Variants in PIK3C2B observed in about 807,000 individuals in gnomAD.
PIK3C2B encodes the protein phosphatidylinositol-4-phosphate 3-kinase catalytic subunit type 2 beta, also known as phosphatidylinositol 4-phosphate 3-kinase C2 domain-containing subunit beta.
PIK3C2B carries 83 observed loss-of-function variants against 184.3 expected under a neutral mutation model. That is an observed-to-expected ratio of 0.45 (90% CI 0.38 to 0.54). The LOEUF is 0.54. Among genes scored for constraint, PIK3C2B ranks in the 20% least tolerant of loss-of-function variants. PIK3C2B has a pLI of 0.00. For synonymous variants in PIK3C2B, 779 were observed against 837.6 expected (o/e 0.93, Z 1.21); for missense variants, 1,736 against 2,113.5 (o/e 0.82, Z 3.50).
chr1:204,460,510 T>TC, intron 6 of PIK3C2B, 40 bp downstream of exon 6: 1 of 1,572,766 alleles, frequency 6.4e-7, no homozygotes, highest in Non-Finnish European at 8.8e-7. Flanking sequence ...CCATTCCACC[T>TC]CCCCAGCCCT....
chr1:204,454,093 G>C (rs573841949), intron 12 of PIK3C2B, among the ~76,000 whole-genome samples: 120 of 151,812 alleles, frequency 7.9e-4, no homozygotes, highest in Non-Finnish European at 1.5e-3. Context: ...AAATTTATAT[G>C]TTTTTTATGG....
At chr1:204,453,502 G>A (rs945212295) in intron 12 of PIK3C2B, among the ~76,000 whole-genome samples, 2 of 152,118 alleles carry the variant, frequency 1.3e-5, no homozygotes, top group African/African-American at 4.8e-5. Flanking sequence ...CCATTTCTCA[G>A]TTTGAAAAAA....
At position 204,484,465 on chromosome 1, in the gene PIK3C2B, G is replaced by A. The variant is rs186904376; in HGVS notation, c.-85+9891C>T. The stretch of plus-strand genomic sequence containing the variant: ...TAAGTGTTTAAGCTGATGGCCGGGC[G>A]CGGTGGCTCACTCAATTCCAGCACT... On this transcript the variant is annotated intron_variant, in intron 1 of 32. Coordinates refer to ENST00000684373, the MANE Select transcript of PIK3C2B (RefSeq NM_001377334.1). Among the ~76,000 whole-genome samples the A allele has an allele frequency of 2.4e-3, 359 of 152,234 alleles. 1 individual carries two copies. The Middle Eastern group carries it at 0.027, about 12-fold the overall frequency.
chr1:204,450,882 G>A lies in PIK3C2B; in HGVS notation c.2067-865C>T, dbSNP rs372479483. Among the ~76,000 whole-genome samples the A allele has an allele frequency of 2.9e-3, 447 of 152,348 alleles. 3 individuals carry two copies. Among genetic ancestry groups the A allele is most frequent in the African/African-American group, 8.2e-3 (343 of 41,584 alleles). ...TCGGGGAAGCTGTCCCTGGGCCAAA[G>A]TCCATACTGTCACACCCTCCTGGCC... On this transcript the variant is annotated intron_variant, in intron 12 of 32. Coordinates refer to ENST00000684373, the MANE Select transcript of PIK3C2B (RefSeq NM_001377334.1).
chr1:204,465,164 C>T, intron 3 of PIK3C2B, 55 bp downstream of exon 3: 1 of 739,538 alleles, frequency 1.4e-6, no homozygotes, highest in Non-Finnish European at 2.4e-6. Flanking sequence ...ATGGATGGCC[C>T]CCCTCCCCAT....
At chr1:204,490,406 GT>G (rs1241015785) in intron 1 of PIK3C2B, 2 of 153,362 alleles carry the variant, frequency 1.3e-5, no homozygotes, top group Non-Finnish European at 2.9e-5. Flanking sequence ...ATGTCCCAGT[GT>G]TTTGGGGAAG....
At position 204,433,669 on chromosome 1, in the gene PIK3C2B, C is replaced by T. The variant is rs1331331815; in HGVS notation, c.3843+124G>A. The T allele has an allele frequency of 7.4e-6, 7 of 949,020 alleles. No homozygotes were observed. Among genetic ancestry groups the T allele is most frequent in the Non-Finnish European group, 1.2e-5 (7 of 604,982 alleles). The allele number at this position is 949,020 out of a possible 1,614,324, so 58.8% of individuals were successfully genotyped here. ...GGTCCCTGCCTTTATCTAGGGCAGG[C>T]AGGTATTCAGTTGGGGCTCAGAGAG... On this transcript the variant is annotated intron_variant, in intron 25 of 32. Transcript: ENST00000684373. The surrounding 1 kb of genome is among the most constrained non-coding windows in gnomAD (Gnocchi z 5.0).
intron 22 of PIK3C2B, 67 bp from the exon 23 acceptor site, chr1:204,439,138 A>T: frequency 1.3e-6 from 2 of 1,532,996 alleles, no homozygotes; most frequent in Non-Finnish European, 1.8e-6. Context: ...AGAGGACTAC[A>T]AGGACTGTGC....
intron 1 of PIK3C2B, among the ~76,000 whole-genome samples, chr1:204,482,108 ACGGGG>A (rs1657202754): frequency 2.6e-4 from 1 of 3,856 alleles, no homozygotes; most frequent in Non-Finnish European, 8.9e-4. Flanking sequence ...CCATGAAAAG[ACGGGG>A]GGGGGGGGGG....
At position 204,424,817 on chromosome 1, in the gene PIK3C2B, C is replaced by T. The variant is rs914721347; in HGVS notation, c.*35G>A. 5 of 1,609,508 alleles carry T rather than the reference C, an allele frequency of 3.1e-6. No homozygotes were observed. The highest frequency in any genetic ancestry group is 4.3e-6 in the Non-Finnish European group (5 of 1,176,068). On this transcript the variant is annotated 3_prime_UTR_variant, in exon 33 of 33. Coordinates refer to ENST00000684373, the MANE Select transcript of PIK3C2B (RefSeq NM_001377334.1). ...GAGTCCTCTCCCCCAGCTCCTGCCA[C>T]CAGCCTGGGATGCTGGGTGGTGGCT...
At chr1:204,457,521 C>T (rs1220683627) in intron 9 of PIK3C2B, among the ~76,000 whole-genome samples, 1 of 152,216 alleles carries the variant, frequency 6.6e-6, no homozygotes, top group Non-Finnish European at 1.5e-5. Flanking sequence ...TCCCAGGTAG[C>T]TCTCCCTCAA....
chr1:204,434,561 C>T lies in PIK3C2B; in HGVS notation c.3564G>A (p.Thr1188=), dbSNP rs114076026. 3.5e-5 allele frequency: 57 copies of T among 1,613,990 alleles called. No homozygotes were observed. In the African/African-American group the frequency reaches 3.9e-4, roughly 11 times the overall value. ...IYSCAGCCVA[T]YVLGICDRHN... is the part of the protein sequence containing the mutation. ...GTCGGTCACAGATGCCCAAGACGTA[C>T]GTGGCCACGCAGCAGCCAGCGCAGG... The change falls in exon 24 of 33, where the codon ACG becomes ACA. Residue 1188 remains threonine (T), a synonymous_variant. Coordinates refer to ENST00000684373, the MANE Select transcript of PIK3C2B (RefSeq NM_001377334.1).
At chr1:204,493,030 T>C (rs753824955) in intron 1 of PIK3C2B, among the ~76,000 whole-genome samples, 1 of 152,152 alleles carries the variant, frequency 6.6e-6, no homozygotes, top group Non-Finnish European at 1.5e-5. Flanking sequence ...GGAGCTGGGA[T>C]TCCAAAGTCT....
intron 2 of PIK3C2B, among the ~76,000 whole-genome samples, chr1:204,467,948 A>G (rs1197254444): frequency 6.6e-6 from 1 of 151,992 alleles, no homozygotes; most frequent in Non-Finnish European, 1.5e-5. Context: ...TTCTGGTCCT[A>G]CCCAGGAGAT....
intron 9 of PIK3C2B, among the ~76,000 whole-genome samples, 181 bp from the exon 10 acceptor site, chr1:204,457,251 G>C (rs1654949532): frequency 6.6e-6 from 1 of 152,144 alleles, no homozygotes; most frequent in Non-Finnish European, 1.5e-5. Flanking sequence ...TGGACAGAGT[G>C]AGCTGACGGA....
chr1:204,489,615 A>G (rs1026628524), intron 1 of PIK3C2B, among the ~76,000 whole-genome samples: 5 of 152,068 alleles, frequency 3.3e-5, no homozygotes, highest in Admixed American at 3.3e-4. Context: ...TGAGAATTAA[A>G]TCCACTCTAC....
rs762737017 is a variant in PIK3C2B, at chr1:204,460,812, G to T, written c.1311-151C>A. ...TACCCTACTTTGGCTCCTAGAAAAT[G>T]ACACGGTAGAGCTTAGGAGAAGGAA... On this transcript the variant is annotated intron_variant, in intron 5 of 32. Transcript: ENST00000684373. The T allele has an allele frequency of 2.8e-4, 176 of 632,414 alleles. 1 individual carries two copies. Among genetic ancestry groups the T allele is most frequent in the Non-Finnish European group, 3.1e-4 (108 of 345,146 alleles). 39.2% of individuals were successfully genotyped at this position (632,414 alleles called of 1,614,324 possible). A position where few individuals can be genotyped will look rare whatever the true frequency, so the allele number is the denominator to read the frequency against.
intron 12 of PIK3C2B, 46 bp downstream of exon 12, chr1:204,454,623 C>T (rs1398838864): frequency 6.2e-7 from 1 of 1,602,582 alleles, no homozygotes; most frequent in Non-Finnish European, 8.5e-7. Context: ...AGAGGCTGAG[C>T]AGGTCTACAG....
chr1:204,432,145 C>T (rs1356215279), intron 27 of PIK3C2B, 55 bp downstream of exon 27: 8 of 1,523,248 alleles, frequency 5.3e-6, no homozygotes, highest in Admixed American at 1.7e-5. Flanking sequence ...AGGATCCCAG[C>T]AAGCCAGGGT....
Sources: gnomAD v4.1 joint callset for allele counts (sites outside exome capture counted in the v4.1 genomes callset) on GRCh38, gnomAD v4.1.1 for gene constraint, Gnocchi (gnomAD v3.1) non-coding constraint, MANE v1.5 for transcripts, NCBI Gene and HGNC (gene_info 2026-07-23, HGNC 2026-07-21) for gene names.